The following PDE9A variants were observed in gnomAD, a reference collection of about 807,000 sequenced individuals.
The protein encoded by PDE9A is phosphodiesterase 9A, also known as high affinity cGMP-specific 3',5'-cyclic phosphodiesterase 9A.
In PDE9A, 60 loss-of-function variants were observed where a neutral mutation model predicts 87.4. The ratio of observed to expected loss-of-function variants is 0.69; its 90% CI spans 0.56 to 0.85. The LOEUF (loss-of-function observed/expected upper bound fraction) is 0.85, where lower values mean the gene tolerates loss of function less well. PDE9A is among the 40% of genes least tolerant of loss of function. The probability of loss-of-function intolerance (pLI) is 0.00; values close to 1 mark genes in which losing one functional copy is unlikely to be tolerated. For synonymous variants in PDE9A, 272 were observed against 279.4 expected (o/e 0.97, Z 0.27); for missense variants, 665 against 779.0 (o/e 0.85, Z 1.74).
chr21:42,760,584 C>T lies in PDE9A; in HGVS notation c.1002+152C>T, dbSNP rs770597687. Reference sequence around the variant, plus strand: ...CTCCTAGGGACGCACCCCTGCCCACCGTTGTCAGTCACCCCATGGGCGAGG... The same window carrying T: ...CTCCTAGGGACGCACCCCTGCCCACTGTTGTCAGTCACCCCATGGGCGAGG... On this transcript the variant is annotated intron_variant, in intron 12 of 19. Transcript: ENST00000291539. This position sits in a 1 kb window ranked among gnomAD's most constrained non-coding sequence, Gnocchi z 5.2. 45 of 633,994 alleles carry T rather than the reference C, an allele frequency of 7.1e-5. No individual in the cohort carries two copies. The Middle Eastern group carries it at 1.0e-3, about 15-fold the overall frequency. 39.3% of individuals were successfully genotyped at this position (633,994 alleles called of 1,614,324 possible).
At chr21:42,676,596 T>C (rs2058855521) in intron 1 of PDE9A, among the ~76,000 whole-genome samples, 1 of 152,236 alleles carries the variant, frequency 6.6e-6, no homozygotes, top group Non-Finnish European at 1.5e-5. Context: ...CAAGTGGTTG[T>C]GTGCACCTTT....
chr21:42,679,592 C>T (rs1481333083), intron 1 of PDE9A, among the ~76,000 whole-genome samples: 1 of 152,156 alleles, frequency 6.6e-6, no homozygotes, highest in East Asian at 1.9e-4. Context: ...CCAGCCTCAC[C>T]CTGCAAGCAG....
intron 13 of PDE9A, 127 bp downstream of exon 13, chr21:42,761,034 T>G (rs2055707177): frequency 2.9e-6 from 2 of 696,720 alleles, no homozygotes; most frequent in African/African-American, 3.5e-5. Flanking sequence ...AGCCCCCAAC[T>G]CTGCCTCCAC....
chr21:42,754,081 C>A lies in PDE9A; in HGVS notation c.810+17C>A. 6.3e-7 allele frequency: 1 copy of A among 1,583,566 alleles called. No homozygotes were observed. The highest frequency in any genetic ancestry group is 8.7e-7 in the Non-Finnish European group (1 of 1,153,588). ...CCCAATGAGGTAAGTGCGGGGCTTG[C>A]AGGCACCACGTCCCAGGGGGAGGCA... On this transcript the variant is annotated intron_variant, in intron 10 of 19. Transcript: ENST00000291539.
At chr21:42,673,534 G>A (rs1569125655) in intron 1 of PDE9A, among the ~76,000 whole-genome samples, 2 of 152,166 alleles carry the variant, frequency 1.3e-5, no homozygotes, top group South Asian at 2.1e-4. Flanking sequence ...TTGTGATACC[G>A]TCCTAACATA....
intron 8 of PDE9A, among the ~76,000 whole-genome samples, chr21:42,747,007 A>G (rs2053925715): frequency 6.6e-6 from 1 of 152,208 alleles, no homozygotes; most frequent in African/African-American, 2.4e-5. Context: ...AACAGGGTAA[A>G]AATTCTCAAG....
intron 10 of PDE9A, among the ~76,000 whole-genome samples, chr21:42,754,369 G>A (rs1480757847): frequency 6.6e-6 from 1 of 152,154 alleles, no homozygotes; most frequent in Non-Finnish European, 1.5e-5. Context: ...TGCTCATCCT[G>A]CAGACCCTCA....
chr21:42,737,859 GCTT>G (rs2052632475), intron 7 of PDE9A, among the ~76,000 whole-genome samples: 1 of 152,178 alleles, frequency 6.6e-6, no homozygotes, highest in Non-Finnish European at 1.5e-5. Context: ...GGAATTTCCT[GCTT>G]CTTCTTAAAT....
intron 1 of PDE9A, among the ~76,000 whole-genome samples, chr21:42,685,155 C>T (rs931695365): frequency 6.6e-6 from 1 of 152,204 alleles, no homozygotes; most frequent in African/African-American, 2.4e-5. Context: ...CGGCGTGGCC[C>T]GTTCCGCGCT....
chr21:42,766,435 C>A (rs1009583829), intron 15 of PDE9A, among the ~76,000 whole-genome samples: 4 of 152,200 alleles, frequency 2.6e-5, no homozygotes, highest in Admixed American at 2.6e-4. Flanking sequence ...GGCATTCTTA[C>A]TCTGAAATTT....
chr21:42,742,920 A>G (rs1217204270), intron 7 of PDE9A, among the ~76,000 whole-genome samples: 1 of 152,162 alleles, frequency 6.6e-6, no homozygotes, highest in Non-Finnish European at 1.5e-5. Context: ...GAGGGTCAGA[A>G]TCTCGTAGTC....
chr21:42,675,862 G>A lies in PDE9A; in HGVS notation c.70-10330G>A, dbSNP rs756258430. ...TGATGTCGTTTAGATATTTGTCCCC[G>A]CCAAATCTCATGTTGAATTGGTATC... is the stretch of plus-strand genomic sequence containing the variant. On this transcript the variant is annotated intron_variant, in intron 1 of 19. Coordinates refer to ENST00000291539, the MANE Select transcript of PDE9A (RefSeq NM_002606.3). This position sits in a 1 kb window ranked among gnomAD's most constrained non-coding sequence, Gnocchi z 4.3. 2.0e-5 allele frequency among the ~76,000 whole-genome samples: 3 copies of A among 152,168 alleles called. No individual in the cohort carries two copies. Among genetic ancestry groups the A allele is most frequent in the African/African-American group, 7.2e-5 (3 of 41,428 alleles).
rs2057413689 is a variant in PDE9A at position 42,775,411 on chromosome 21, AT to A, written c.*122del. 6 of 752,574 alleles carry A rather than the reference AT, an allele frequency of 8.0e-6. No homozygotes were observed. The highest frequency in any genetic ancestry group is 1.3e-5 in the Non-Finnish European group (6 of 476,160). 46.6% of individuals were successfully genotyped at this position (752,574 alleles called of 1,614,324 possible). A position where few individuals can be genotyped will look rare whatever the true frequency, so the allele number is the denominator to read the frequency against. ...CACAAGACCATGTTTTCTAAGAACC[AT>A]TTTGTTCACTGATACAAAAAAAAAA... On this transcript the variant is annotated 3_prime_UTR_variant, in exon 20 of 20. Coordinates refer to ENST00000291539, the MANE Select transcript of PDE9A (RefSeq NM_002606.3).
intron 9 of PDE9A, among the ~76,000 whole-genome samples, chr21:42,752,068 C>G (rs112201958): frequency 0.015 from 2,239 of 152,152 alleles, 46 homozygotes; most frequent in African/African-American, 0.049. Context: ...TGCTCTCATG[C>G]TAAGATTCAG....
chr21:42,727,077 C>CAAA lies in PDE9A; in HGVS notation c.263-4672_263-4670dup, dbSNP rs34249348. Among the ~76,000 whole-genome samples, 382 of 80,156 alleles carry CAAA rather than the reference C, an allele frequency of 4.8e-3. 2 individuals carry two copies. The highest frequency in any genetic ancestry group is 5.5e-3 in the African/African-American group (112 of 20,354). The allele number at this position is 80,156 out of a possible 152,430, so 52.6% of individuals were successfully genotyped here. A position where few individuals can be genotyped will look rare whatever the true frequency, so the allele number is the denominator to read the frequency against. ...AATGTTAGAATAATCTCTATTTCTA[C>CAAA]AAAAAAAAAAAAAAAAAAAAAAAGT... is the stretch of plus-strand genomic sequence containing the variant. On this transcript the variant is annotated intron_variant, in intron 4 of 19. Coordinates refer to ENST00000291539, the MANE Select transcript of PDE9A (RefSeq NM_002606.3).
intron 8 of PDE9A, among the ~76,000 whole-genome samples, chr21:42,750,616 G>A (rs1249056101): frequency 6.6e-6 from 1 of 151,466 alleles, no homozygotes; most frequent in Non-Finnish European, 1.5e-5. Flanking sequence ...GCCCAGACTG[G>A]CCAGGCTGGC....
At position 42,695,971 on chromosome 21, in the gene PDE9A, C is replaced by T. The variant is rs1218522634; in HGVS notation, c.219-2997C>T. 6.6e-6 allele frequency among the ~76,000 whole-genome samples: 1 copy of T among 152,172 alleles called. No individual in the cohort carries two copies. The highest frequency in any genetic ancestry group is 1.5e-5 in the Non-Finnish European group (1 of 68,034). On this transcript the variant is annotated intron_variant, in intron 3 of 19. Transcript: ENST00000291539. The surrounding 1 kb of genome is among the most constrained non-coding windows in gnomAD (Gnocchi z 4.3). Reference sequence around the variant, plus strand: ...AACCCAAGGATCTTGGGCCCAAGGGCCAGGAAGGTTTCTGCAGCCTCCTGG... The same window carrying T: ...AACCCAAGGATCTTGGGCCCAAGGGTCAGGAAGGTTTCTGCAGCCTCCTGG...
At chr21:42,774,818 G>T (rs1189378139) in intron 19 of PDE9A, among the ~76,000 whole-genome samples, 1 of 144,872 alleles carries the variant, frequency 6.9e-6, no homozygotes, top group African/African-American at 2.6e-5. Flanking sequence ...GGAGGCGGAG[G>T]TTGCAGTGAG....
intron 1 of PDE9A, among the ~76,000 whole-genome samples, chr21:42,681,723 G>A (rs181800724): frequency 1.7e-3 from 255 of 152,320 alleles, no homozygotes; most frequent in Middle Eastern, 3.4e-3. Flanking sequence ...ATGACCTGCC[G>A]TGCATTCTCG....
Sources: allele counts gnomAD v4.1 joint callset (sites outside exome capture counted in the v4.1 genomes callset), GRCh38; gene constraint gnomAD v4.1.1; non-coding constraint Gnocchi (gnomAD v3.1); transcripts MANE v1.5; gene names NCBI Gene and HGNC (gene_info 2026-07-23, HGNC 2026-07-21).